PURG: variants seen among roughly 807,000 people sequenced by gnomAD.
PURG encodes the protein purine-rich element-binding protein gamma.
PURG carries 3 observed loss-of-function variants against 24.3 expected under a neutral mutation model. That is an observed-to-expected ratio of 0.12 (90% confidence interval 0.06 to 0.32). PURG has a LOEUF of 0.32. Ranked by LOEUF, PURG falls within the 10% of genes least tolerant of loss-of-function variation. The pLI is 1.00. For missense variants in PURG, 371 were observed against 439.1 expected (o/e 0.84, Z 1.39); for synonymous variants, 180 against 173.1 (o/e 1.04, Z -0.31).
intron 1 of PURG, among the ~76,000 whole-genome samples, chr8:31,017,207 C>T (rs187450729): frequency 4.6e-5 from 7 of 152,204 alleles, no homozygotes; most frequent in Non-Finnish European, 1.5e-5. Flanking sequence ...TAGATACAAA[C>T]ACAGCACTTT....
intron 1 of PURG, chr8:30,996,820 A>C (rs1201908715): frequency 2.6e-6 from 2 of 764,338 alleles, no homozygotes; most frequent in Non-Finnish European, 4.1e-6. Context: ...AGCATGTAAC[A>C]AACCCTCAAT....
intron 1 of PURG, among the ~76,000 whole-genome samples, chr8:31,009,973 T>G (rs1249467582): frequency 6.6e-6 from 1 of 152,138 alleles, no homozygotes; most frequent in African/African-American, 2.4e-5. Flanking sequence ...GGTGCATGCC[T>G]GTAGTACCAG....
At chr8:30,996,369 A>T in exon 2 of PURG, 1 of 343,462 alleles carries the variant, frequency 2.9e-6, no homozygotes, top group Non-Finnish European at 5.3e-6. Context: ...TTGATGAATT[A>T]AAAAAAACAA....
At chr8:31,004,596 G>T (rs1294369128) in intron 1 of PURG, among the ~76,000 whole-genome samples, 1 of 152,120 alleles carries the variant, frequency 6.6e-6, no homozygotes, top group Non-Finnish European at 1.5e-5. Context: ...GAACCAGGGA[G>T]GCAGAGGTTG....
At chr8:31,015,020 C>A (rs1352740102) in intron 1 of PURG, among the ~76,000 whole-genome samples, 1 of 152,140 alleles carries the variant, frequency 6.6e-6, no homozygotes, top group Non-Finnish European at 1.5e-5. Context: ...TCTAACAATA[C>A]AGGAGATAAG....
At chr8:31,009,614 A>G (rs1437592937) in intron 1 of PURG, among the ~76,000 whole-genome samples, 1 of 152,222 alleles carries the variant, frequency 6.6e-6, no homozygotes, top group East Asian at 1.9e-4. Flanking sequence ...AATCCTATTG[A>G]AATGGAAATA....
At chr8:30,997,786 C>T (rs774952000) in intron 1 of PURG, among the ~76,000 whole-genome samples, 1 of 151,570 alleles carries the variant, frequency 6.6e-6, no homozygotes, top group African/African-American at 2.4e-5. Flanking sequence ...AGGGTTGAAC[C>T]CTTTTGAAAA....
At chr8:31,006,653 T>A (rs975789248) in intron 1 of PURG, among the ~76,000 whole-genome samples, 13 of 152,182 alleles carry the variant, frequency 8.5e-5, no homozygotes, top group African/African-American at 3.1e-4. Flanking sequence ...ACCTATAACA[T>A]ACAAAGACAT....
intron 1 of PURG, among the ~76,000 whole-genome samples, chr8:31,024,613 T>C (rs1811056299): frequency 6.6e-6 from 1 of 152,160 alleles, no homozygotes; most frequent in Non-Finnish European, 1.5e-5. Context: ...TTGCCACCTC[T>C]AGGCAACAAC....
chr8:31,006,422 T>C (rs10954772), intron 1 of PURG, among the ~76,000 whole-genome samples: 96,884 of 151,868 alleles, frequency 0.64, 32,116 homozygotes, highest in East Asian at 0.96. Flanking sequence ...GGTGAAACCC[T>C]GTCTCTACTA....
rs1485072788 is a variant in PURG, at chr8:31,031,898, A to C, written c.885T>G (p.Pro295=). 1 of 1,614,032 alleles carries C rather than the reference A, an allele frequency of 6.2e-7. No homozygotes were observed. The highest frequency in any genetic ancestry group is 1.3e-5 in the African/African-American group (1 of 74,928). ...IFLKVSEVRP[P]YRNTITVPFK... is the part of the protein sequence containing the mutation. ...ATGGAACAGTAATAGTATTACGGTA[A>C]GGTGGTCTCACCTCACTTACCTTCA... is the stretch of plus-strand genomic sequence containing the variant. The change falls in exon 2 of 2, where the codon CCT becomes CCG. Residue 295 remains proline, a synonymous_variant. Transcript: ENST00000523392.
Position 31,010,523 on chromosome 8 carries a change from A to T in PURG, c.865-13826T>A, listed in dbSNP as rs916923328. 6.3e-4 allele frequency among the ~76,000 whole-genome samples: 96 copies of T among 152,224 alleles called. 1 individual carries two copies. The highest frequency in any genetic ancestry group is 2.3e-3 in the African/African-American group (95 of 41,518). On this transcript the variant is annotated intron_variant, in intron 1 of 1. Transcript: ENST00000339382. ...AATACCTAGAATGCATTTCAAAAAA[A>T]CTCTTTAAATGAGCTATAAACATAT...
intron 1 of PURG, among the ~76,000 whole-genome samples, chr8:31,001,208 A>C (rs1375986247): frequency 2.6e-5 from 4 of 152,230 alleles, no homozygotes; most frequent in African/African-American, 9.6e-5. Flanking sequence ...TTGACTTTGT[A>C]AAAGCTAGGC....
chr8:30,996,503 A>G (rs1810430296), exon 2 of PURG: 2 of 891,850 alleles, frequency 2.2e-6, no homozygotes, highest in East Asian at 2.5e-5. Context: ...AGGAATGTCA[A>G]GTACTGAGGC....
intron 1 of PURG, among the ~76,000 whole-genome samples, chr8:31,000,617 T>C (rs1317735668): frequency 6.6e-6 from 1 of 152,016 alleles, no homozygotes; most frequent in Non-Finnish European, 1.5e-5. Flanking sequence ...TTAATTAGGG[T>C]GAAAGCTGGT....
chr8:31,014,307 C>G (rs1251112797), intron 1 of PURG, among the ~76,000 whole-genome samples: 1 of 152,058 alleles, frequency 6.6e-6, no homozygotes, highest in Non-Finnish European at 1.5e-5. Context: ...ATGTTTTTCC[C>G]TATGGGAGGA....
chr8:31,017,629 A>T (rs1810901071), intron 1 of PURG, among the ~76,000 whole-genome samples: 1 of 152,180 alleles, frequency 6.6e-6, no homozygotes, highest in Non-Finnish European at 1.5e-5. Context: ...ACAGATGATT[A>T]GAAGAAGTGA....
At chr8:31,012,422 A>G (rs1810780046) in intron 1 of PURG, among the ~76,000 whole-genome samples, 1 of 152,208 alleles carries the variant, frequency 6.6e-6, no homozygotes, top group Admixed American at 6.5e-5. Context: ...CAGGGTAAAA[A>G]TGGGAACTGG....
Position 31,024,103 on chromosome 8 carries a change from T to C in PURG, c.864+7816A>G, listed in dbSNP as rs532152925. Among the ~76,000 whole-genome samples, 4 of 152,338 alleles carry C rather than the reference T, an allele frequency of 2.6e-5. No individual in the cohort carries two copies. The East Asian group carries it at 7.7e-4, about 29-fold the overall frequency. On this transcript the variant is annotated intron_variant, in intron 1 of 1. Coordinates refer to the PURG transcript ENST00000339382. Reference sequence around the variant, plus strand: ...GTTTAGGATAGTTACGTAGTTAGTATACAACAACTTGGTCTTAATAAGGAC... The same window carrying C: ...GTTTAGGATAGTTACGTAGTTAGTACACAACAACTTGGTCTTAATAAGGAC...
Sources: allele counts gnomAD v4.1 joint callset (sites outside exome capture counted in the v4.1 genomes callset), GRCh38; gene constraint gnomAD v4.1.1; transcripts MANE v1.5; gene names NCBI Gene and HGNC (gene_info 2026-07-23, HGNC 2026-07-21).